PLEKHG6: variants seen among roughly 807,000 people sequenced by gnomAD.
PLEKHG6 encodes the protein pleckstrin homology and RhoGEF domain containing G6.
A neutral mutation model predicts 97.5 loss-of-function variants in PLEKHG6; 91 were observed. The observed-to-expected ratio is 0.93, with a 90% CI of 0.79 to 1.11. The LOEUF (loss-of-function observed/expected upper bound fraction) is 1.11. Ranked by LOEUF, PLEKHG6 falls within the 50% of genes most tolerant of loss-of-function variation. The pLI is 0.00. For missense variants in PLEKHG6, 1,044 were observed against 1,031.0 expected (o/e 1.01, Z -0.17); for synonymous variants, 466 against 425.5 (o/e 1.10, Z -1.17).
rs149956082 is a variant in PLEKHG6 at position 6,323,738 on chromosome 12, A to G, written c.1525-2690A>G. On this transcript the variant is annotated intron_variant, in intron 13 of 15. Coordinates refer to ENST00000684764, the MANE Select transcript of PLEKHG6 (RefSeq NM_001384598.1). The stretch of plus-strand genomic sequence containing the variant: ...GTTACTTCACCTCTTGGGGAGTTGC[A>G]GTGCACGCAGGACAGACAGTCCGCA... Among the ~76,000 whole-genome samples, 41 of 152,358 alleles carry G rather than the reference A, an allele frequency of 2.7e-4. No homozygotes were observed. The East Asian group carries it at 6.0e-3, about 22-fold the overall frequency.
Position 6,316,379 on chromosome 12 carries a change from T to C in PLEKHG6, c.731T>C (p.Ile244Thr), listed in dbSNP as rs61753337. ...GCCTCGGGCCAGCCTCTGGACCCCA[T>C]TGGTCTGCAAAGTGGCTTCCTGACG... ...TRASGQPLDP[I>T]GLQSGFLTFG... is the part of the protein sequence containing the mutation. Residue 244 changes from isoleucine (I) to threonine (T), a missense_variant, in exon 7 of 16, where the codon ATT becomes ACT. Coordinates refer to ENST00000684764, the MANE Select transcript of PLEKHG6 (RefSeq NM_001384598.1). The surrounding 1 kb of genome is among the most constrained non-coding windows in gnomAD (Gnocchi z 4.1). 323 of 1,573,168 alleles carry C rather than the reference T, an allele frequency of 2.1e-4. No individual in the cohort carries two copies. Among genetic ancestry groups the C allele is most frequent in the Middle Eastern group, 1.8e-3 (11 of 6,010 alleles).
intron 13 of PLEKHG6, among the ~76,000 whole-genome samples, chr12:6,321,772 AGCCGAGATC>A (rs1327168849): frequency 7.2e-6 from 1 of 139,564 alleles, no homozygotes; most frequent in Non-Finnish European, 1.5e-5. Flanking sequence ...GCTTGCAGTG[AGCCGAGATC>A]GCGCCACTGC....
Position 6,315,830 on chromosome 12 carries a change from CT to C in PLEKHG6, c.556-38del. 9.8e-6 allele frequency: 15 copies of C among 1,531,336 alleles called. No homozygotes were observed. The highest frequency in any genetic ancestry group is 1.3e-5 in the Non-Finnish European group (15 of 1,132,052). 94.9% of individuals were successfully genotyped at this position (1,531,336 alleles called of 1,614,324 possible). A position where few individuals can be genotyped will look rare whatever the true frequency, so the allele number is the denominator to read the frequency against. On this transcript the variant is annotated intron_variant, in intron 5 of 15. Coordinates refer to ENST00000684764, the MANE Select transcript of PLEKHG6 (RefSeq NM_001384598.1). The surrounding 1 kb of genome is among the most constrained non-coding windows in gnomAD (Gnocchi z 4.5). ...GGTGGGAGGTGACGACACTGAAGGGCTGCGCTGGGTCCTGAGACCCTCGTCT... is the reference window on the plus strand; with the variant it reads ...GGTGGGAGGTGACGACACTGAAGGGCGCGCTGGGTCCTGAGACCCTCGTCT...
chr12:6,316,262 C>G lies in PLEKHG6; in HGVS notation c.614C>G (p.Ala205Gly). 2.6e-6 allele frequency: 4 copies of G among 1,552,696 alleles called. No homozygotes were observed. Among genetic ancestry groups the G allele is most frequent in the Non-Finnish European group, 3.5e-6 (4 of 1,147,080 alleles). ...CTCTGCTCCCTCCTCCAGGTGTCAGCTGAGACCCTGTTTGGAAATGTCCCC... is the reference window on the plus strand; with the variant it reads ...CTCTGCTCCCTCCTCCAGGTGTCAGGTGAGACCCTGTTTGGAAATGTCCCC... ...QRVGLLMEVS[A>G]ETLFGNVPSL... is the part of the protein sequence containing the mutation. Residue 205 changes from alanine to glycine, a missense_variant, in exon 7 of 16, where the codon GCT (alanine) becomes GGT (glycine). Coordinates refer to ENST00000684764, the MANE Select transcript of PLEKHG6 (RefSeq NM_001384598.1). The surrounding 1 kb of genome is among the most constrained non-coding windows in gnomAD (Gnocchi z 4.1).
intron 13 of PLEKHG6, among the ~76,000 whole-genome samples, chr12:6,324,853 A>G (rs1307502709): frequency 6.6e-6 from 1 of 152,128 alleles, no homozygotes; most frequent in East Asian, 1.9e-4. Context: ...ATATACTTCA[A>G]GCTGGGGAGA....
Position 6,317,459 on chromosome 12 carries a change from G to GA in PLEKHG6, c.867+46_867+47insA, listed in dbSNP as rs752511578. 1.9e-6 allele frequency: 3 copies of GA among 1,609,890 alleles called. No homozygotes were observed. In the African/African-American group the frequency reaches 4.0e-5, roughly 22 times the overall value. On this transcript the variant is annotated intron_variant, in intron 8 of 15. Transcript: ENST00000684764. The stretch of plus-strand genomic sequence containing the variant: ...GAGGGGGACGGGTGCATCTTAGCCG[G>GA]CCGGTCTCCAGCTGAGCCTGAGGCT...
intron 14 of PLEKHG6, among the ~76,000 whole-genome samples, 162 bp downstream of exon 14, chr12:6,326,735 A>T (rs910150927): frequency 1.3e-5 from 2 of 152,242 alleles, no homozygotes; most frequent in South Asian, 2.1e-4. Flanking sequence ...TTGGGTCGGA[A>T]GGTTGGTACC....
intron 11 of PLEKHG6, 63 bp from the exon 12 acceptor site, chr12:6,318,682 C>T (rs1358330455): frequency 6.4e-6 from 10 of 1,570,254 alleles, no homozygotes; most frequent in East Asian, 4.5e-5. Flanking sequence ...AGCCTCCTCC[C>T]GGACCAGCCC....
chr12:6,318,280 C>T lies in PLEKHG6; in HGVS notation c.1156-21C>T, dbSNP rs546933901. The T allele has an allele frequency of 2.3e-4, 365 of 1,613,648 alleles. 4 individuals carry two copies. The South Asian group carries it at 3.8e-3, about 17-fold the overall frequency. On this transcript the variant is annotated intron_variant, in intron 10 of 15. Coordinates refer to ENST00000684764, the MANE Select transcript of PLEKHG6 (RefSeq NM_001384598.1). ...AGGCAGACTGCCGAGCGCCCTGACC[C>T]CTCCCCTCTGTGTCCCTCAGAACCT...
At position 6,315,488 on chromosome 12, in the gene PLEKHG6, T is replaced by C; in HGVS notation, c.460-66T>C. ...ACCTATGAAGTGGATCCGGTCGCAC[T>C]TAACAGCTGGTACTTGCCATTCTAA... On this transcript the variant is annotated intron_variant, in intron 4 of 15. Transcript: ENST00000684764. The surrounding 1 kb of genome is among the most constrained non-coding windows in gnomAD (Gnocchi z 4.5). 1 of 1,086,074 alleles carries C rather than the reference T, an allele frequency of 9.2e-7. No homozygotes were observed. Among genetic ancestry groups the C allele is most frequent in the South Asian group, 1.5e-5 (1 of 65,292 alleles). The allele number at this position is 1,086,074 out of a possible 1,614,324, so 67.3% of individuals were successfully genotyped here.
rs1240921534 is a variant in PLEKHG6, at chr12:6,327,673, C to T, written c.2090C>T (p.Ser697Phe). ...RARLRGQLPS[S>F]PTHADSAGES... ...CGGCTTCGGGGCCAGCTTCCCTCCT[C>T]CCCAACCCATGCTGACTCTGCCGGG... is the stretch of plus-strand genomic sequence containing the variant. Residue 697 changes from serine (S) to phenylalanine (F), a missense_variant, in exon 15 of 16, where the codon TCC (serine) becomes TTC (phenylalanine). Transcript: ENST00000684764. 1 of 1,562,830 alleles carries T rather than the reference C, an allele frequency of 6.4e-7. No individual in the cohort carries two copies. Among genetic ancestry groups the T allele is most frequent in the Admixed American group, 1.8e-5 (1 of 54,230 alleles).
Position 6,315,430 on chromosome 12 carries a change from T to A in PLEKHG6, c.460-124T>A, listed in dbSNP as rs935658416. The A allele has an allele frequency of 2.8e-6, 2 of 706,572 alleles. No homozygotes were observed. The highest frequency in any genetic ancestry group is 4.8e-6 in the Non-Finnish European group (2 of 415,126). The allele number at this position is 706,572 out of a possible 1,614,324, so 43.8% of individuals were successfully genotyped here. On this transcript the variant is annotated intron_variant, in intron 4 of 15. Coordinates refer to ENST00000684764, the MANE Select transcript of PLEKHG6 (RefSeq NM_001384598.1). This position sits in a 1 kb window ranked among gnomAD's most constrained non-coding sequence, Gnocchi z 4.5. ...CACATCAGAGCACTGGTTTGAGGAT[T>A]AAAAGGTCATGGTCATGCACAAAGT...
rs765890124 is a variant in PLEKHG6 at position 6,312,268 on chromosome 12, A to G, written c.42A>G (p.Gly14=). The G allele has an allele frequency of 6.5e-7, 1 of 1,544,612 alleles. No individual in the cohort carries two copies. Among genetic ancestry groups the G allele is most frequent in the Non-Finnish European group, 8.7e-7 (1 of 1,152,824 alleles). Residue 14 remains glycine, a synonymous_variant, in exon 2 of 16, where the codon GGA becomes GGG. Transcript: ENST00000684764. ...CTCCACATGAGGGCCCCCTCCAAGGACTCGTGGCCTCCCGCATTGAGACTT... is the reference window on the plus strand; with the variant it reads ...CTCCACATGAGGGCCCCCTCCAAGGGCTCGTGGCCTCCCGCATTGAGACTT... ...FGPPHEGPLQ[G]LVASRIETYG...
intron 13 of PLEKHG6, among the ~76,000 whole-genome samples, chr12:6,322,193 A>G (rs1947727939): frequency 6.6e-6 from 1 of 152,224 alleles, no homozygotes; most frequent in South Asian, 2.1e-4. Flanking sequence ...ACAGAAATGC[A>G]GTCATTAGAA....
chr12:6,316,062 G>A lies in PLEKHG6; in HGVS notation c.606+143G>A. 1.1e-6 allele frequency: 1 copy of A among 920,106 alleles called. No homozygotes were observed. The highest frequency in any genetic ancestry group is 1.6e-6 in the Non-Finnish European group (1 of 616,002). 57.0% of individuals were successfully genotyped at this position (920,106 alleles called of 1,614,324 possible). ...TGCCCTCCCTACTTCCCTGTTACTGGGGACTCCAAGCAGGCCACAGGCCCC... is the reference window on the plus strand; with the variant it reads ...TGCCCTCCCTACTTCCCTGTTACTGAGGACTCCAAGCAGGCCACAGGCCCC... On this transcript the variant is annotated intron_variant, in intron 6 of 15. Transcript: ENST00000684764. This position sits in a 1 kb window ranked among gnomAD's most constrained non-coding sequence, Gnocchi z 4.1.
chr12:6,312,891 C>T (rs1947323388), intron 2 of PLEKHG6: 1 of 1,363,644 alleles, frequency 7.3e-7, no homozygotes, highest in Non-Finnish European at 9.5e-7. Flanking sequence ...CAGGTCTGTC[C>T]CTCAGCCTGC....
chr12:6,317,494 A>G (rs1947516810), intron 8 of PLEKHG6, 53 bp from the exon 9 acceptor site: 1 of 1,612,382 alleles, frequency 6.2e-7, no homozygotes, highest in Admixed American at 1.7e-5. Flanking sequence ...TGAGTTCACC[A>G]CTAGGCAGGG....
In PLEKHG6 at chr12:6,328,093, G is replaced by C. The variant is rs772817919; in HGVS notation, c.2364-43G>C. The C allele has an allele frequency of 6.2e-6, 10 of 1,613,272 alleles. No individual in the cohort carries two copies. The South Asian group carries it at 7.7e-5, about 12-fold the overall frequency. On this transcript the variant is annotated intron_variant, in intron 15 of 15. Coordinates refer to ENST00000684764, the MANE Select transcript of PLEKHG6 (RefSeq NM_001384598.1). ...CTCACTCTTCACCTGACCCTCACCC[G>C]TTGCCACTGAATGTCGCCTAACACC... is the stretch of plus-strand genomic sequence containing the variant.
intron 13 of PLEKHG6, among the ~76,000 whole-genome samples, chr12:6,325,510 G>A (rs1947832149): frequency 6.6e-6 from 1 of 152,196 alleles, no homozygotes; most frequent in Non-Finnish European, 1.5e-5. Context: ...GAGGGAGGGA[G>A]AAGGCAGATA....
Sources: allele counts gnomAD v4.1 joint callset (sites outside exome capture counted in the v4.1 genomes callset), GRCh38; gene constraint gnomAD v4.1.1; non-coding constraint Gnocchi (gnomAD v3.1); transcripts MANE v1.5; gene names NCBI Gene and HGNC (gene_info 2026-07-23, HGNC 2026-07-21).